GCNT1: variants seen among roughly 807,000 people sequenced by gnomAD.
GCNT1 encodes the protein beta-1,3-galactosyl-O-glycosyl-glycoprotein beta-1,6-N-acetylglucosaminyltransferase.
A neutral mutation model predicts 26.2 loss-of-function variants in GCNT1; 16 were observed. That is an observed-to-expected ratio of 0.61 (90% CI 0.41 to 0.93). GCNT1 has a LOEUF of 0.93. GCNT1 is among the 40% of genes least tolerant of loss of function. The pLI, the probability that GCNT1 is intolerant of heterozygous loss-of-function variation, is 0.00. For missense variants in GCNT1, 477 were observed against 526.7 expected (o/e 0.91, Z 0.92); for synonymous variants, 183 against 190.8 (o/e 0.96, Z 0.34).
At chr9:76,436,964 G>T (rs149682194), upstream of GCNT1, among the ~76,000 whole-genome samples, 1 of 152,088 alleles carries the variant, frequency 6.6e-6, no homozygotes, top group African/African-American at 2.4e-5. Context: ...GTCGTGGGGT[G>T]TGGGGAGGGG....
chr9:76,494,032 A>T (rs2131634231), intron 2 of GCNT1, among the ~76,000 whole-genome samples: 1 of 152,160 alleles, frequency 6.6e-6, no homozygotes, highest in East Asian at 1.9e-4. Flanking sequence ...AGTGTTTCCC[A>T]TCTGAAAGAA....
intron 1 of GCNT1, among the ~76,000 whole-genome samples, chr9:76,444,171 G>C (rs1024581014): frequency 6.6e-6 from 1 of 152,078 alleles, no homozygotes; most frequent in Non-Finnish European, 1.5e-5. Flanking sequence ...GCTGCGTATT[G>C]GACATGTTTG....
At chr9:76,482,811 ATTTTTTTT>A (rs56267257) in intron 2 of GCNT1, among the ~76,000 whole-genome samples, 3 of 115,884 alleles carry the variant, frequency 2.6e-5, no homozygotes, top group Non-Finnish European at 5.1e-5. Context: ...CACCGGGCTA[ATTTTTTTT>A]TTTTTTTTTT....
intron 1 of GCNT1, among the ~76,000 whole-genome samples, chr9:76,431,750 C>T (rs1352710575): frequency 6.6e-6 from 1 of 152,176 alleles, no homozygotes. Context: ...TGACCAGTCC[C>T]CTAGCTGTAG....
At chr9:76,446,708 T>G (rs1823583297) in intron 1 of GCNT1, among the ~76,000 whole-genome samples, 1 of 152,158 alleles carries the variant, frequency 6.6e-6, no homozygotes, top group Non-Finnish European at 1.5e-5. Context: ...CCGTACTGGA[T>G]AGACACTGAA....
rs532810254 is a variant in GCNT1, at chr9:76,503,612, A to T, written c.1231A>T (p.Ile411Phe). The T allele has an allele frequency of 6.2e-7, 1 of 1,614,156 alleles. No individual in the cohort carries two copies. The highest frequency in any genetic ancestry group is 1.3e-5 in the African/African-American group (1 of 75,058). ...KFDVDVDLFAIQCLDEHLRHK... is the reference protein window; with the variant it reads ...KFDVDVDLFAFQCLDEHLRHK... ...TGACGTGGATGTTGACCTCTTTGCC[A>T]TCCAGTGTTTGGATGAGCATTTGAG... The change falls in exon 4 of 4, where the codon ATC becomes TTC. Residue 411 changes from isoleucine (I) to phenylalanine (F), a missense_variant. Coordinates refer to ENST00000376730, the MANE Select transcript of GCNT1 (RefSeq NM_001490.5).
At position 76,503,911 on chromosome 9, in the gene GCNT1, G is replaced by GC. The variant is rs1038151009; in HGVS notation, c.*244dup. The GC allele has an allele frequency of 3.3e-5, 17 of 514,182 alleles. No individual in the cohort carries two copies. Among genetic ancestry groups the GC allele is most frequent in the African/African-American group, 3.1e-4 (16 of 51,734 alleles). 31.9% of individuals were successfully genotyped at this position (514,182 alleles called of 1,614,324 possible). Reference sequence around the variant, plus strand: ...GAGTAAAGGTAGCCTTGAGGCCAGAGCAGGTAGCAAGGCATTGTGGAAAGA... The same window carrying GC: ...GAGTAAAGGTAGCCTTGAGGCCAGAGCCAGGTAGCAAGGCATTGTGGAAAGA... On this transcript the variant is annotated 3_prime_UTR_variant, in exon 4 of 4. Transcript: ENST00000376730.
intron 1 of GCNT1, among the ~76,000 whole-genome samples, chr9:76,426,957 AG>A (rs2131574350): frequency 6.6e-6 from 1 of 152,276 alleles, no homozygotes; most frequent in East Asian, 1.9e-4. Context: ...TTATGGGCTG[AG>A]TTGTGTCATC....
Position 76,503,566 on chromosome 9 carries a change from C to A in GCNT1, c.1185C>A (p.His395Gln). Residue 395 changes from histidine (H) to glutamine (Q), a missense_variant, in exon 4 of 4, where the codon CAC becomes CAA. His to Gln is a conservative substitution (Grantham distance 24). Coordinates refer to ENST00000376730, the MANE Select transcript of GCNT1 (RefSeq NM_001490.5). ...AGDLNWMLRK[H>Q]HLFANKFDVD... is the part of the protein sequence containing the mutation. The stretch of plus-strand genomic sequence containing the variant: ...ACTTGAACTGGATGCTGCGCAAACA[C>A]CACTTGTTTGCCAATAAGTTTGACG... 2 of 1,613,854 alleles carry A rather than the reference C, an allele frequency of 1.2e-6. No individual in the cohort carries two copies. Among genetic ancestry groups the A allele is most frequent in the African/African-American group, 2.7e-5 (2 of 75,046 alleles).
At chr9:76,489,763 A>C (rs2131627873) in intron 2 of GCNT1, among the ~76,000 whole-genome samples, 1 of 152,200 alleles carries the variant, frequency 6.6e-6, no homozygotes, top group Non-Finnish European at 1.5e-5. Context: ...TAAACAGGAC[A>C]CCCCAACTGC....
rs1444142172 is a variant in GCNT1, at chr9:76,445,944, A to AGG, written c.-290+3629_-290+3630insGG. On this transcript the variant is annotated intron_variant, in intron 1 of 2. Transcript: ENST00000442371. ...GCAGTGAGCTGTGGTCAATTACACC[A>AGG]CTGGACTCCAGCCTGGGCAACAGAG... is the stretch of plus-strand genomic sequence containing the variant. Among the ~76,000 whole-genome samples the AGG allele has an allele frequency of 6.6e-5, 10 of 152,190 alleles. No homozygotes were observed. In the East Asian group the frequency reaches 1.9e-3, roughly 30 times the overall value.
chr9:76,504,994 G>A lies in GCNT1; in HGVS notation c.*1326G>A. 2.4e-6 allele frequency: 1 copy of A among 413,290 alleles called. No homozygotes were observed. The highest frequency in any genetic ancestry group is 4.4e-6 in the Non-Finnish European group (1 of 226,112). 25.6% of individuals were successfully genotyped at this position (413,290 alleles called of 1,614,324 possible). On this transcript the variant is annotated 3_prime_UTR_variant, in exon 4 of 4. Coordinates refer to ENST00000376730, the MANE Select transcript of GCNT1 (RefSeq NM_001490.5). ...TTCACCATAAGACAGATAATTTGGG[G>A]TTGCTATAATGCTGTCACACATCTC... is the stretch of plus-strand genomic sequence containing the variant.
chr9:76,482,990 A>G (rs1824462318), intron 2 of GCNT1, among the ~76,000 whole-genome samples: 1 of 151,862 alleles, frequency 6.6e-6, no homozygotes, highest in Admixed American at 6.6e-5. Context: ...GTATATCAAA[A>G]TTTTATAATG....
chr9:76,412,610 C>T, the GCNT1 span, among the ~76,000 whole-genome samples: 1 of 152,302 alleles, frequency 6.6e-6, no homozygotes, highest in East Asian at 1.9e-4. Flanking sequence ...TGATTTCTTA[C>T]AATTTTATGT....
intron 1 of GCNT1, among the ~76,000 whole-genome samples, chr9:76,443,033 TGGAGATG>T (rs1386687281): frequency 3.3e-5 from 5 of 151,842 alleles, no homozygotes; most frequent in Non-Finnish European, 5.9e-5. Context: ...GTGGTAGCAA[TGGAGATG>T]GGTAAAAGGG....
upstream of GCNT1, among the ~76,000 whole-genome samples, chr9:76,419,277 T>C (rs1823161324): frequency 6.6e-6 from 1 of 152,236 alleles, no homozygotes. Flanking sequence ...CAACAGACTT[T>C]GTCCATCTTC....
Position 76,494,888 on chromosome 9 carries a change from T to C in GCNT1, c.-289-6028T>C, listed in dbSNP as rs577883100. On this transcript the variant is annotated intron_variant, in intron 2 of 3. Coordinates refer to ENST00000376730, the MANE Select transcript of GCNT1 (RefSeq NM_001490.5). ...ACCCCGGAGCTGAATGGCTTTCCTC[T>C]CTGTCAACCCTGGGCTCAGCCTGGA... Among the ~76,000 whole-genome samples, 90 of 152,260 alleles carry C rather than the reference T, an allele frequency of 5.9e-4. 1 individual carries two copies. The highest frequency in any genetic ancestry group is 1.1e-3 in the Non-Finnish European group (72 of 68,028).
intron 2 of GCNT1, among the ~76,000 whole-genome samples, chr9:76,499,742 A>G (rs1235014323): frequency 6.6e-6 from 1 of 152,062 alleles, no homozygotes. Flanking sequence ...GTTTCCATTT[A>G]CCCCCTCACT....
At chr9:76,433,862 A>G (rs1213219782) in intron 1 of GCNT1, among the ~76,000 whole-genome samples, 1 of 152,216 alleles carries the variant, frequency 6.6e-6, no homozygotes, top group African/African-American at 2.4e-5. Context: ...CTGTGACTTC[A>G]GCCCTCAGTT....
Sources: gnomAD v4.1 joint callset for allele counts (sites outside exome capture counted in the v4.1 genomes callset) on GRCh38, gnomAD v4.1.1 for gene constraint, MANE v1.5 for transcripts, NCBI Gene and HGNC (gene_info 2026-07-23, HGNC 2026-07-21) for gene names.